CNTNAP2: variants seen among roughly 807,000 people sequenced by gnomAD.
The protein encoded by CNTNAP2 is contactin-associated protein-like 2.
Under a neutral mutation model 155.2 loss-of-function variants are expected in CNTNAP2, and 98 were observed. The observed-to-expected ratio is 0.63, with a 90% confidence interval of 0.54 to 0.75. The LOEUF is 0.75. Ranked by LOEUF, CNTNAP2 falls within the 30% of genes least tolerant of loss-of-function variation. The pLI, the probability that CNTNAP2 is intolerant of heterozygous loss-of-function variation, is 0.00. For synonymous variants in CNTNAP2, 651 were observed against 631.2 expected, an observed-to-expected ratio of 1.03 and a Z score of -0.47; for missense variants, 1,727 against 1,688.1, an observed-to-expected ratio of 1.02 and a Z score of -0.40.
At chr7:147,174,257 C>T (rs551319273) in intron 8 of CNTNAP2, among the ~76,000 whole-genome samples, 6 of 152,256 alleles carry the variant, frequency 3.9e-5, no homozygotes, top group South Asian at 2.1e-4. Flanking sequence ...ATGTAATTGT[C>T]TTTTCCCATG....
At chr7:147,201,428 T>C (rs1802918943) in intron 8 of CNTNAP2, among the ~76,000 whole-genome samples, 1 of 152,212 alleles carries the variant, frequency 6.6e-6, no homozygotes. Flanking sequence ...AAAAGCTCTT[T>C]TTTATTTAAC....
At chr7:147,409,436 A>G (rs1234101784) in intron 10 of CNTNAP2, among the ~76,000 whole-genome samples, 4 of 152,326 alleles carry the variant, frequency 2.6e-5, no homozygotes, top group South Asian at 4.1e-4. Flanking sequence ...AAAACCCAAA[A>G]CTATAAACAC....
chr7:148,097,250 T>G (rs559370150), intron 15 of CNTNAP2, among the ~76,000 whole-genome samples: 4 of 147,488 alleles, frequency 2.7e-5, no homozygotes, highest in African/African-American at 1.0e-4. Flanking sequence ...CTCTTTAACA[T>G]GAGCATTCCC....
At chr7:148,097,126 C>A (rs1164466355) in intron 15 of CNTNAP2, among the ~76,000 whole-genome samples, 1 of 151,894 alleles carries the variant, frequency 6.6e-6, no homozygotes, top group East Asian at 1.9e-4. Context: ...TATGGGAAAA[C>A]CGAACCCTTC....
intron 21 of CNTNAP2, among the ~76,000 whole-genome samples, chr7:148,333,990 C>T (rs10267791): frequency 0.18 from 27,857 of 152,116 alleles, 2,627 homozygotes; most frequent in South Asian, 0.33. Flanking sequence ...TCTTCCCATC[C>T]TTGAAGAGTT....
intron 12 of CNTNAP2, among the ~76,000 whole-genome samples, chr7:147,565,257 A>G (rs1800148014): frequency 6.6e-6 from 1 of 152,180 alleles, no homozygotes. Context: ...CTGAAATCCC[A>G]GTGGCTGGAA....
At chr7:147,085,649 A>T (rs1800259998) in intron 4 of CNTNAP2, 1 of 152,234 alleles carries the variant, frequency 6.6e-6, no homozygotes, top group African/African-American at 2.4e-5. Context: ...AGCTAAAAAC[A>T]TACAGACTTA....
intron 11 of CNTNAP2, among the ~76,000 whole-genome samples, chr7:147,528,283 A>G (rs184076054): frequency 2.6e-5 from 4 of 152,340 alleles, no homozygotes; most frequent in Middle Eastern, 6.8e-3. Context: ...GGATCGTGGC[A>G]TAAGGCAGAC....
intron 10 of CNTNAP2, among the ~76,000 whole-genome samples, chr7:147,461,458 A>G (rs1798023993): frequency 6.6e-6 from 1 of 152,182 alleles, no homozygotes; most frequent in South Asian, 2.1e-4. Context: ...ATTTTTATGT[A>G]AGATAATAAA....
chr7:146,656,844 T>C (rs1194881041), intron 1 of CNTNAP2, among the ~76,000 whole-genome samples: 2 of 152,204 alleles, frequency 1.3e-5, no homozygotes, highest in Non-Finnish European at 2.9e-5. Context: ...CTAATCAAGA[T>C]AGAAAACAAA....
chr7:146,610,233 T>A (rs1465882772), intron 1 of CNTNAP2, among the ~76,000 whole-genome samples: 1 of 152,132 alleles, frequency 6.6e-6, no homozygotes. Context: ...TTATTAGGAT[T>A]ATTCTCGTGT....
intron 1 of CNTNAP2, among the ~76,000 whole-genome samples, chr7:146,748,294 A>C (rs376275077): frequency 7.1e-4 from 108 of 151,432 alleles, no homozygotes; most frequent in Middle Eastern, 3.4e-3. Flanking sequence ...TACAGGCGCC[A>C]GCCACCACGC....
intron 1 of CNTNAP2, among the ~76,000 whole-genome samples, chr7:146,360,450 T>A (rs1302468278): frequency 1.3e-5 from 2 of 152,180 alleles, no homozygotes; most frequent in African/African-American, 4.8e-5. Context: ...AAAATAGAAA[T>A]GTGGAAAACA....
At chr7:146,792,170 T>C (rs1300939926) in intron 2 of CNTNAP2, among the ~76,000 whole-genome samples, 1 of 152,160 alleles carries the variant, frequency 6.6e-6, no homozygotes, top group Non-Finnish European at 1.5e-5. Context: ...TAAACACTTA[T>C]GTAACTCTGA....
chr7:147,112,828 TTTGTTG>T (rs142550469), intron 5 of CNTNAP2, among the ~76,000 whole-genome samples: 14 of 151,536 alleles, frequency 9.2e-5, no homozygotes, highest in South Asian at 6.3e-4. Context: ...TGCCCGAAGT[TTTGTTG>T]TTGTTGTTGT....
intron 3 of CNTNAP2, among the ~76,000 whole-genome samples, chr7:146,840,737 C>A (rs1803706464): frequency 6.6e-6 from 1 of 152,140 alleles, no homozygotes; most frequent in South Asian, 2.1e-4. Flanking sequence ...TATCATGAAT[C>A]ACTCTTGTAG....
intron 8 of CNTNAP2, among the ~76,000 whole-genome samples, chr7:147,199,257 C>T (rs117412983): frequency 0.085 from 12,919 of 152,052 alleles, 563 homozygotes; most frequent in Non-Finnish European, 0.11. Context: ...CCACCGCGCC[C>T]GGCCCTAATC....
At chr7:146,451,953 G>A (rs527778342) in intron 1 of CNTNAP2, among the ~76,000 whole-genome samples, 12 of 150,514 alleles carry the variant, frequency 8.0e-5, no homozygotes, top group Non-Finnish European at 1.2e-4. Flanking sequence ...CTGTCACCCA[G>A]GCTGGAGTGC....
rs1478389130 is a variant in CNTNAP2, at chr7:147,559,880, AAC to A, written c.1778-2256_1778-2255del. ...TTGCCGATCTTAAAAAAAAAAAAAA[AAC>A]ATTTGAGGCCAGGTGCAGTGGCTCA... On this transcript the variant is annotated intron_variant, in intron 11 of 23. Transcript: ENST00000361727. 2.1e-5 allele frequency among the ~76,000 whole-genome samples: 3 copies of A among 143,432 alleles called. No individual in the cohort carries two copies. In the East Asian group the frequency reaches 6.1e-4, roughly 29 times the overall value. The allele number at this position is 143,432 out of a possible 152,430, so 94.1% of individuals were successfully genotyped here. A position where few individuals can be genotyped will look rare whatever the true frequency, so the allele number is the denominator to read the frequency against.
Sources: allele counts gnomAD v4.1 joint callset (sites outside exome capture counted in the v4.1 genomes callset), GRCh38; gene constraint gnomAD v4.1.1; transcripts MANE v1.5; gene names NCBI Gene and HGNC (gene_info 2026-07-23, HGNC 2026-07-21).